ATRNL1: variants seen among roughly 807,000 people sequenced by gnomAD.
ATRNL1 encodes the protein attractin like 1.
A neutral mutation model predicts 182.7 loss-of-function variants in ATRNL1; 95 were observed. That is an observed-to-expected ratio of 0.52 (90% CI 0.44 to 0.62). The LOEUF (loss-of-function observed/expected upper bound fraction) is 0.62, where lower values mean the gene tolerates loss of function less well. Ranked by LOEUF, ATRNL1 falls within the 20% of genes least tolerant of loss-of-function variation. The probability of loss-of-function intolerance (pLI) is 0.00; values close to 1 mark genes in which losing one functional copy is unlikely to be tolerated. For synonymous variants in ATRNL1, 576 were observed against 568.3 expected (o/e 1.01, Z -0.19); for missense variants, 1,471 against 1,679.5 (o/e 0.88, Z 2.17).
At chr10:115,212,505 C>G (rs549226860) in intron 8 of ATRNL1, among the ~76,000 whole-genome samples, 1 of 151,780 alleles carries the variant, frequency 6.6e-6, no homozygotes, top group Non-Finnish European at 1.5e-5. Flanking sequence ...GGTATATATC[C>G]AAAGAAATAT....
rs75222839 is a variant in ATRNL1 at position 115,191,979 on chromosome 10, G to T, written c.1348+20687G>T. ...CCCTATTGAGTTGTTTGACAACTTT[G>T]TATATTCTGGTTATTAATCCCTTGT... is the stretch of plus-strand genomic sequence containing the variant. On this transcript the variant is annotated intron_variant, in intron 8 of 28. Coordinates refer to ENST00000355044, the MANE Select transcript of ATRNL1 (RefSeq NM_207303.4). Among the ~76,000 whole-genome samples the T allele has an allele frequency of 6.6e-5, 10 of 152,032 alleles. No individual in the cohort carries two copies. The East Asian group carries it at 1.9e-3, about 29-fold the overall frequency.
intron 26 of ATRNL1, among the ~76,000 whole-genome samples, chr10:115,552,648 CATA>C (rs1357204390): frequency 6.6e-6 from 1 of 151,192 alleles, no homozygotes; most frequent in Non-Finnish European, 1.5e-5. Flanking sequence ...CTTTTTGTGG[CATA>C]ATTTTAAATT....
intron 26 of ATRNL1, among the ~76,000 whole-genome samples, chr10:115,628,046 C>T (rs543173227): frequency 3.3e-5 from 5 of 150,710 alleles, no homozygotes; most frequent in South Asian, 2.1e-4. Context: ...ACTTGGGAGG[C>T]GGAGGCAGGA....
intron 20 of ATRNL1, among the ~76,000 whole-genome samples, chr10:115,419,537 C>T (rs749457530): frequency 6.6e-6 from 1 of 151,964 alleles, no homozygotes; most frequent in Non-Finnish European, 1.5e-5. Context: ...ACTTACTTTA[C>T]GTATAAAACA....
chr10:115,785,784 A>T (rs531623504), intron 27 of ATRNL1, among the ~76,000 whole-genome samples: 1 of 152,238 alleles, frequency 6.6e-6, no homozygotes, highest in East Asian at 1.9e-4. Context: ...TCCCTCTCGC[A>T]TTTTACCATA....
chr10:115,931,028 G>T (rs1237460664), intron 28 of ATRNL1, among the ~76,000 whole-genome samples: 1 of 152,120 alleles, frequency 6.6e-6, no homozygotes, highest in African/African-American at 2.4e-5. Context: ...TGATAATTAG[G>T]ATCCCAATTT....
intron 27 of ATRNL1, among the ~76,000 whole-genome samples, chr10:115,802,109 C>A (rs1555084505): frequency 6.6e-6 from 1 of 151,290 alleles, no homozygotes; most frequent in Non-Finnish European, 1.5e-5. Context: ...CACCTAAATT[C>A]TCTTAAATAT....
At chr10:115,850,642 C>T (rs1478641577) in intron 28 of ATRNL1, among the ~76,000 whole-genome samples, 3 of 152,152 alleles carry the variant, frequency 2.0e-5, no homozygotes, top group African/African-American at 7.2e-5. Flanking sequence ...CAGTGCCCTA[C>T]ACATAGAAAT....
intron 27 of ATRNL1, among the ~76,000 whole-genome samples, chr10:115,761,487 G>A (rs1555073632): frequency 6.6e-6 from 1 of 152,060 alleles, no homozygotes; most frequent in Non-Finnish European, 1.5e-5. Context: ...GTTAAATATC[G>A]CTGCAATTAA....
chr10:115,115,079 C>G (rs1844422746), intron 1 of ATRNL1, among the ~76,000 whole-genome samples: 1 of 152,016 alleles, frequency 6.6e-6, no homozygotes, highest in East Asian at 1.9e-4. Flanking sequence ...TCATTTGTGA[C>G]AACATAGATG....
intron 28 of ATRNL1, among the ~76,000 whole-genome samples, chr10:115,869,711 G>A (rs1190625217): frequency 1.3e-5 from 2 of 151,838 alleles, no homozygotes; most frequent in Admixed American, 6.6e-5. Context: ...TTACAACCCC[G>A]AGATAACCAA....
chr10:115,582,908 G>C (rs1270251371), intron 26 of ATRNL1, among the ~76,000 whole-genome samples: 3 of 150,152 alleles, frequency 2.0e-5, no homozygotes, highest in East Asian at 2.0e-4. Flanking sequence ...AATCCATCTT[G>C]AATTGATTTT....
At chr10:115,855,241 G>T (rs1555101565) in intron 28 of ATRNL1, among the ~76,000 whole-genome samples, 1 of 152,032 alleles carries the variant, frequency 6.6e-6, no homozygotes. Context: ...GTGTAGGTGT[G>T]GTCTGTCATA....
At chr10:115,275,831 ATT>A (rs1449333665) in intron 13 of ATRNL1, among the ~76,000 whole-genome samples, 1 of 152,178 alleles carries the variant, frequency 6.6e-6, no homozygotes, top group Non-Finnish European at 1.5e-5. Flanking sequence ...TCCCTAAGCC[ATT>A]AAATGTCTTC....
At chr10:115,662,203 A>G (rs1215058907) in intron 26 of ATRNL1, among the ~76,000 whole-genome samples, 2 of 151,924 alleles carry the variant, frequency 1.3e-5, no homozygotes, top group African/African-American at 4.8e-5. Context: ...CTTGGTTCCA[A>G]GTCTTTGCTA....
chr10:115,295,891 A>G (rs758716037), intron 15 of ATRNL1, among the ~76,000 whole-genome samples: 25 of 151,962 alleles, frequency 1.6e-4, no homozygotes, highest in Non-Finnish European at 3.1e-4. Context: ...AGTACTGGAG[A>G]GATGCAGAGG....
At chr10:115,158,970 T>C (rs899596238) in intron 5 of ATRNL1, among the ~76,000 whole-genome samples, 8 of 151,778 alleles carry the variant, frequency 5.3e-5, no homozygotes, top group Non-Finnish European at 1.0e-4. Flanking sequence ...TATATGAATT[T>C]AAAAGATTTG....
chr10:115,492,058 C>T (rs1011527498), intron 24 of ATRNL1, among the ~76,000 whole-genome samples: 1 of 152,156 alleles, frequency 6.6e-6, no homozygotes, highest in South Asian at 2.1e-4. Flanking sequence ...AGCTCACCCT[C>T]TGTGGGCTGT....
At chr10:115,426,352 T>G in intron 21 of ATRNL1, 50 bp downstream of exon 21, 1 of 1,354,736 alleles carries the variant, frequency 7.4e-7, no homozygotes, top group Non-Finnish European at 1.0e-6. Flanking sequence ...ATACTATTAG[T>G]TTCAAATAAT....
Sources: gnomAD v4.1 joint callset for allele counts (sites outside exome capture counted in the v4.1 genomes callset) on GRCh38, gnomAD v4.1.1 for gene constraint, MANE v1.5 for transcripts, NCBI Gene and HGNC (gene_info 2026-07-23, HGNC 2026-07-21) for gene names.